The following STARD13 variants were observed in gnomAD, a reference collection of about 807,000 sequenced individuals.
STARD13 encodes stAR-related lipid transfer protein 13.
In STARD13, 62 loss-of-function variants were observed where a neutral mutation model predicts 106.4. The observed-to-expected ratio is 0.58, with a 90% CI of 0.48 to 0.72. The LOEUF (loss-of-function observed/expected upper bound fraction) is 0.72. Among genes scored for constraint, STARD13 ranks in the 30% least tolerant of loss-of-function variants. The probability of loss-of-function intolerance (pLI) is 0.00; values close to 1 mark genes in which losing one functional copy is unlikely to be tolerated. For missense variants in STARD13, 1,387 were observed against 1,424.0 expected, an observed-to-expected ratio of 0.97 and a Z score of 0.42; for synonymous variants, 565 against 553.0, an observed-to-expected ratio of 1.02 and a Z score of -0.31.
chr13:33,534,986 C>T, the STARD13 span, among the ~76,000 whole-genome samples: 2 of 152,164 alleles, frequency 1.3e-5, no homozygotes, highest in East Asian at 1.9e-4. Flanking sequence ...GAGGCTGAGG[C>T]GGGCGGATCA....
chr13:33,618,816 T>C, the STARD13 span, among the ~76,000 whole-genome samples: 1 of 151,832 alleles, frequency 6.6e-6, no homozygotes. Context: ...GCACAGTGCT[T>C]TTGCTGAGCT....
intron 1 of STARD13, among the ~76,000 whole-genome samples, chr13:33,179,936 GC>G (rs1156520086): frequency 6.6e-6 from 1 of 152,216 alleles, no homozygotes. Flanking sequence ...TGAACTCACT[GC>G]CTTCTTGGAA....
intron 1 of STARD13, among the ~76,000 whole-genome samples, chr13:33,322,005 T>G (rs116304037): frequency 0.02 from 3,066 of 152,316 alleles, 94 homozygotes; most frequent in African/African-American, 0.068. Context: ...TTTTTTTGAA[T>G]TCTTCTGCTA....
At chr13:33,402,951 G>A in the STARD13 span, among the ~76,000 whole-genome samples, 1 of 152,238 alleles carries the variant, frequency 6.6e-6, no homozygotes, top group African/African-American at 2.4e-5. Context: ...CGATTCTTCT[G>A]GGACACTGGG....
At chr13:33,242,662 A>T (rs977357677) in intron 1 of STARD13, among the ~76,000 whole-genome samples, 3 of 152,040 alleles carry the variant, frequency 2.0e-5, no homozygotes, top group Non-Finnish European at 2.9e-5. Flanking sequence ...CTTTGTTCAC[A>T]TGTTTATCTG....
At chr13:33,320,373 T>C (rs1475947312) in intron 1 of STARD13, among the ~76,000 whole-genome samples, 5 of 152,162 alleles carry the variant, frequency 3.3e-5, no homozygotes, top group African/African-American at 4.8e-5. Context: ...ATCAAGGCAT[T>C]GCAGGGTCTC....
the STARD13 span, among the ~76,000 whole-genome samples, chr13:33,633,599 G>A: frequency 5.3e-5 from 8 of 152,168 alleles, no homozygotes; most frequent in Non-Finnish European, 2.9e-5. Context: ...TGTAATCACT[G>A]CACATAACAA....
At chr13:33,120,997 T>A (rs1301581316) in intron 7 of STARD13, among the ~76,000 whole-genome samples, 1 of 152,118 alleles carries the variant, frequency 6.6e-6, no homozygotes, top group Non-Finnish European at 1.5e-5. Context: ...CACCTTGGCC[T>A]CCCAAAGTGC....
chr13:33,548,649 G>T, the STARD13 span, among the ~76,000 whole-genome samples: 6 of 152,122 alleles, frequency 3.9e-5, no homozygotes, highest in African/African-American at 1.4e-4. Flanking sequence ...TTCCAGGAAT[G>T]CTTAAGAAGA....
intron 1 of STARD13, among the ~76,000 whole-genome samples, chr13:33,235,808 G>A (rs1889159263): frequency 6.6e-6 from 1 of 152,212 alleles, no homozygotes; most frequent in African/African-American, 2.4e-5. Flanking sequence ...CTGTGCTTTG[G>A]CCAGGCCTCC....
the STARD13 span, among the ~76,000 whole-genome samples, chr13:33,444,414 G>C: frequency 1.3e-5 from 2 of 152,276 alleles, no homozygotes; most frequent in African/African-American, 2.4e-5. Context: ...CATAAACCAT[G>C]TTTGGGTGGC....
Position 33,105,401 on chromosome 13 carries a change from TCTC to T in STARD13, c.*189_*191del. ...AATTATATTAGTAGGGATGTAGCCA[TCTC>T]CAGGAAGGCTAAGAAAGTTCTTGGA... On this transcript the variant is annotated 3_prime_UTR_variant, in exon 14 of 14. Transcript: ENST00000336934. 1 of 553,164 alleles carries T rather than the reference TCTC, an allele frequency of 1.8e-6. No individual in the cohort carries two copies. The highest frequency in any genetic ancestry group is 2.8e-5 in the East Asian group (1 of 35,608). The allele number at this position is 553,164 out of a possible 1,614,324, so 34.3% of individuals were successfully genotyped here. A position where few individuals can be genotyped will look rare whatever the true frequency, so the allele number is the denominator to read the frequency against.
At chr13:33,619,163 C>G in the STARD13 span, among the ~76,000 whole-genome samples, 1 of 149,140 alleles carries the variant, frequency 6.7e-6, no homozygotes, top group African/African-American at 2.4e-5. Flanking sequence ...TAAGCAAAGA[C>G]CACACCTCAG....
chr13:33,216,923 C>A (rs1888078412), intron 1 of STARD13, among the ~76,000 whole-genome samples: 1 of 152,112 alleles, frequency 6.6e-6, no homozygotes, highest in Non-Finnish European at 1.5e-5. Flanking sequence ...CTGGCCCATC[C>A]CTTGGAACAC....
the STARD13 span, among the ~76,000 whole-genome samples, chr13:33,514,236 G>A: frequency 6.6e-6 from 1 of 152,180 alleles, no homozygotes; most frequent in African/African-American, 2.4e-5. Context: ...GGAGAAAATG[G>A]ACACAGTGTT....
the STARD13 span, among the ~76,000 whole-genome samples, chr13:33,670,765 C>A: frequency 2.0e-5 from 3 of 152,174 alleles, no homozygotes; most frequent in Non-Finnish European, 1.5e-5. Context: ...CTTATAAGCA[C>A]CCTCTACGTA....
intron 1 of STARD13, among the ~76,000 whole-genome samples, chr13:33,241,733 G>A (rs1257351454): frequency 6.6e-6 from 1 of 152,144 alleles, no homozygotes; most frequent in African/African-American, 2.4e-5. Flanking sequence ...GTGGAGATGG[G>A]GTTTCGCAGT....
chr13:33,343,577 TAAAAAAA>T (rs1292508834), intron 1 of STARD13, among the ~76,000 whole-genome samples: 1 of 37,104 alleles, frequency 2.7e-5, no homozygotes, highest in Admixed American at 4.1e-4. Flanking sequence ...GACCCTGTCT[TAAAAAAA>T]AAAAAAAAAA....
intron 1 of STARD13, among the ~76,000 whole-genome samples, chr13:33,306,139 A>G (rs781695067): frequency 2.4e-4 from 36 of 152,322 alleles, no homozygotes; most frequent in Middle Eastern, 3.4e-3. Context: ...ACATAGACCA[A>G]TGGAACAGGA....
Sources: allele counts gnomAD v4.1 joint callset (sites outside exome capture counted in the v4.1 genomes callset), GRCh38; gene constraint gnomAD v4.1.1; transcripts MANE v1.5; gene names NCBI Gene and HGNC (gene_info 2026-07-23, HGNC 2026-07-21).